The following EPHB1 variants were observed in gnomAD, a reference collection of about 807,000 sequenced individuals.
The protein encoded by EPHB1 is ephrin type-B receptor 1.
EPHB1 carries 30 observed loss-of-function variants against 94.4 expected under a neutral mutation model. That is an observed-to-expected ratio of 0.32 (90% CI 0.24 to 0.43). EPHB1 has a LOEUF of 0.43. Among genes scored for constraint, EPHB1 ranks in the 20% least tolerant of loss-of-function variants. The pLI, the probability that EPHB1 is intolerant of heterozygous loss-of-function variation, is 1.00. For synonymous variants in EPHB1, 522 were observed against 489.1 expected, an observed-to-expected ratio of 1.07 and a Z score of -0.89; for missense variants, 1,055 against 1,308.3, an observed-to-expected ratio of 0.81 and a Z score of 2.99.
At chr3:134,866,972 C>T (rs2037393236) in intron 1 of EPHB1, among the ~76,000 whole-genome samples, 1 of 151,996 alleles carries the variant, frequency 6.6e-6, no homozygotes, top group South Asian at 2.1e-4. Flanking sequence ...GCTACATGGG[C>T]CAACCTCTGG....
chr3:134,876,301 C>T (rs531258463), intron 1 of EPHB1, among the ~76,000 whole-genome samples: 1 of 152,330 alleles, frequency 6.6e-6, no homozygotes, highest in South Asian at 2.1e-4. Context: ...TTTCTTCCTC[C>T]TTCATCCCTG....
chr3:134,824,644 C>T (rs1242530991), intron 1 of EPHB1, among the ~76,000 whole-genome samples: 1 of 152,108 alleles, frequency 6.6e-6, no homozygotes, highest in Non-Finnish European at 1.5e-5. Flanking sequence ...TAAAATGTGG[C>T]AGAGGTGATG....
Position 135,154,223 on chromosome 3 carries a change from C to T in EPHB1, c.1369C>T (p.Pro457Ser), listed in dbSNP as rs2107695135. ...MRSITLSWPQ[P>S]EQPNGIILDY... ...GAGCATCACCTTGTCATGGCCACAG[C>T]CGGAGCAGCCCAATGGCATCATCCT... The change falls in exon 6 of 16, where the codon CCG becomes TCG. Residue 457 changes from proline (P) to serine (S), a missense_variant. Coordinates refer to ENST00000398015, the MANE Select transcript of EPHB1 (RefSeq NM_004441.5). 4 of 1,614,046 alleles carry T rather than the reference C, an allele frequency of 2.5e-6. No individual in the cohort carries two copies. The highest frequency in any genetic ancestry group is 3.4e-6 in the Non-Finnish European group (4 of 1,179,888).
chr3:134,858,461 C>A (rs2037173106), intron 1 of EPHB1, among the ~76,000 whole-genome samples: 1 of 152,074 alleles, frequency 6.6e-6, no homozygotes, highest in Non-Finnish European at 1.5e-5. Flanking sequence ...TATGGGGTCT[C>A]ATTGATGGCT....
chr3:134,836,586 T>C (rs1466685979), intron 1 of EPHB1, among the ~76,000 whole-genome samples: 2 of 152,186 alleles, frequency 1.3e-5, no homozygotes, highest in Non-Finnish European at 2.9e-5. Flanking sequence ...TAATAGACAC[T>C]TAAATTATTG....
At chr3:134,944,734 G>A (rs535877691) in intron 2 of EPHB1, among the ~76,000 whole-genome samples, 1 of 151,006 alleles carries the variant, frequency 6.6e-6, no homozygotes, top group East Asian at 1.9e-4. Context: ...GGCTGCAGTT[G>A]ATAACTTTGT....
chr3:134,930,581 G>C (rs2107704453), intron 2 of EPHB1, among the ~76,000 whole-genome samples: 1 of 152,308 alleles, frequency 6.6e-6, no homozygotes, highest in African/African-American at 2.4e-5. Flanking sequence ...TGGACCTCTA[G>C]GCAGTGGGGA....
intron 3 of EPHB1, among the ~76,000 whole-genome samples, chr3:135,074,201 C>T (rs934657920): frequency 2.6e-5 from 4 of 152,198 alleles, no homozygotes; most frequent in African/African-American, 9.7e-5. Context: ...GATTCTCTGT[C>T]TTGATCAGTT....
intron 3 of EPHB1, among the ~76,000 whole-genome samples, chr3:135,090,786 C>G (rs951010686): frequency 6.6e-6 from 1 of 152,234 alleles, no homozygotes; most frequent in African/African-American, 2.4e-5. Flanking sequence ...ATAATTTAGG[C>G]TGAGAATTTC....
chr3:135,212,020 T>C (rs188458986), intron 12 of EPHB1, among the ~76,000 whole-genome samples: 4 of 152,326 alleles, frequency 2.6e-5, no homozygotes, highest in South Asian at 2.1e-4. Flanking sequence ...GTTCATTATT[T>C]TCCCTGATTT....
At chr3:134,917,099 T>C (rs1578195355) in intron 1 of EPHB1, among the ~76,000 whole-genome samples, 1 of 152,202 alleles carries the variant, frequency 6.6e-6, no homozygotes, top group South Asian at 2.1e-4. Flanking sequence ...ACTAAGCCAC[T>C]GTAAGACCAT....
intron 1 of EPHB1, among the ~76,000 whole-genome samples, chr3:134,883,588 G>GT (rs894452225): frequency 2.0e-5 from 3 of 152,294 alleles, no homozygotes; most frequent in Admixed American, 6.5e-5. Flanking sequence ...TTTAAGTTGT[G>GT]TTTTTTTGAA....
chr3:135,016,071 G>C (rs1935788660), intron 3 of EPHB1, among the ~76,000 whole-genome samples: 1 of 152,188 alleles, frequency 6.6e-6, no homozygotes, highest in South Asian at 2.1e-4. Flanking sequence ...AGTGGAGAAA[G>C]CTAGCCCTCC....
intron 12 of EPHB1, among the ~76,000 whole-genome samples, chr3:135,215,782 A>T (rs1373988640): frequency 1.3e-5 from 2 of 152,152 alleles, no homozygotes; most frequent in African/African-American, 2.4e-5. Flanking sequence ...AGAGTTTCTG[A>T]TTCATGGATC....
At chr3:135,021,614 A>T (rs1232646096) in intron 3 of EPHB1, among the ~76,000 whole-genome samples, 1 of 151,722 alleles carries the variant, frequency 6.6e-6, no homozygotes, top group African/African-American at 2.4e-5. Flanking sequence ...CAAAGCGATG[A>T]TTATTTTTTC....
rs144287592 is a variant in EPHB1 at position 135,221,812 on chromosome 3, A to G, written c.2347-19336A>G. ...TTTGAAATTCTTTAAGTAAACCCCT[A>G]ATGTCCTAAAAATGTAACAAAATAA... On this transcript the variant is annotated intron_variant, in intron 12 of 15. Coordinates refer to ENST00000398015, the MANE Select transcript of EPHB1 (RefSeq NM_004441.5). Among the ~76,000 whole-genome samples, 5 of 152,334 alleles carry G rather than the reference A, an allele frequency of 3.3e-5. No individual in the cohort carries two copies. In the East Asian group the frequency reaches 7.7e-4, roughly 23 times the overall value.
At chr3:135,006,636 T>A (rs560516254) in intron 3 of EPHB1, among the ~76,000 whole-genome samples, 1 of 152,266 alleles carries the variant, frequency 6.6e-6, no homozygotes, top group South Asian at 2.1e-4. Flanking sequence ...TCAAGTGCAG[T>A]CTGGGCAACA....
rs539121969 is a variant in EPHB1 at position 135,089,951 on chromosome 3, A to G, written c.806-16497A>G. Among the ~76,000 whole-genome samples the G allele has an allele frequency of 2.0e-5, 3 of 152,244 alleles. 1 individual carries two copies. In the South Asian group the frequency reaches 6.2e-4, roughly 32 times the overall value. On this transcript the variant is annotated intron_variant, in intron 3 of 15. Transcript: ENST00000398015. ...TGCTAAGTGTATCCTTAACACCTCT[A>G]ATCTCTGCTGCAAGCTTCTCCCCTA...
At chr3:134,965,178 T>G (rs1933684211) in intron 3 of EPHB1, among the ~76,000 whole-genome samples, 1 of 152,238 alleles carries the variant, frequency 6.6e-6, no homozygotes, top group Admixed American at 6.5e-5. Context: ...GCCCCATTCT[T>G]GATTACTCTT....
Sources: allele counts gnomAD v4.1 joint callset (sites outside exome capture counted in the v4.1 genomes callset), GRCh38; gene constraint gnomAD v4.1.1; transcripts MANE v1.5; gene names NCBI Gene and HGNC (gene_info 2026-07-23, HGNC 2026-07-21).